Variants in PKD1L1 observed in about 807,000 individuals in gnomAD.
PKD1L1 encodes the protein polycystin 1 like 1, transient receptor potential channel interacting.
A neutral mutation model predicts 323.4 loss-of-function variants in PKD1L1; 236 were observed. That is an observed-to-expected ratio of 0.73 (90% CI 0.66 to 0.81). The LOEUF is 0.81. Ranked by LOEUF, PKD1L1 falls within the 40% of genes least tolerant of loss-of-function variation. The probability of loss-of-function intolerance (pLI) is 0.00; values close to 1 mark genes in which losing one functional copy is unlikely to be tolerated. For synonymous variants in PKD1L1, 1,344 were observed against 1,335.0 expected, an observed-to-expected ratio of 1.01 and a Z score of -0.15; for missense variants, 3,320 against 3,508.0, an observed-to-expected ratio of 0.95 and a Z score of 1.35.
Position 47,833,017 on chromosome 7 carries a change from GC to G in PKD1L1, c.6337+72del, listed in dbSNP as rs1785379116. ...ATTTGGCCCAATTGTGACTCTGCTT[GC>G]CCTGCCTCTCCCAATGGCTGCAGGT... On this transcript the variant is annotated intron_variant, in intron 41 of 56. Coordinates refer to ENST00000289672, the MANE Select transcript of PKD1L1 (RefSeq NM_138295.5). The G allele has an allele frequency of 1.1e-5, 17 of 1,508,148 alleles. No homozygotes were observed. In the East Asian group the frequency reaches 1.9e-4, roughly 17 times the overall value. 93.4% of individuals were successfully genotyped at this position (1,508,148 alleles called of 1,614,324 possible). A position where few individuals can be genotyped will look rare whatever the true frequency, so the allele number is the denominator to read the frequency against.
upstream of PKD1L1, among the ~76,000 whole-genome samples, chr7:47,948,935 A>T (rs945976098): frequency 2.0e-5 from 3 of 151,936 alleles, no homozygotes; most frequent in African/African-American, 7.3e-5. Context: ...ATAGAGTGAG[A>T]CTCTGCCTCA....
At chr7:47,929,125 T>C in intron 7 of PKD1L1, 79 bp downstream of exon 7, 1 of 1,429,418 alleles carries the variant, frequency 7.0e-7, no homozygotes, top group Non-Finnish European at 9.5e-7. Flanking sequence ...GTTTCTTTTC[T>C]TTTCCCAACA....
chr7:47,786,288 A>G (rs1318050449), intron 56 of PKD1L1, among the ~76,000 whole-genome samples: 1 of 152,204 alleles, frequency 6.6e-6, no homozygotes, highest in Non-Finnish European at 1.5e-5. Context: ...AAATCTTCTC[A>G]TTATTTTACA....
intron 44 of PKD1L1, among the ~76,000 whole-genome samples, chr7:47,828,397 G>C (rs1785277466): frequency 6.6e-6 from 1 of 151,862 alleles, no homozygotes; most frequent in Non-Finnish European, 1.5e-5. Context: ...CAAGCAGAAA[G>C]GAAAGCTGAG....
At chr7:47,815,592 T>A in intron 46 of PKD1L1, 135 bp from the exon 47 acceptor site, 1 of 1,033,616 alleles carries the variant, frequency 9.7e-7, no homozygotes, top group Non-Finnish European at 1.4e-6. Flanking sequence ...AAACTCAAGC[T>A]GCTTGCAGCG....
At chr7:47,949,392 G>A (rs1180916281), upstream of PKD1L1, among the ~76,000 whole-genome samples, 192 of 40,262 alleles carry the variant, frequency 4.8e-3, 1 homozygote, top group Middle Eastern at 0.012. Flanking sequence ...AAAAAAAAAA[G>A]CTGTAACTGT....
At position 47,904,526 on chromosome 7, in the gene PKD1L1, G is replaced by A. The variant is rs754076706; in HGVS notation, c.1783C>T (p.Arg595Trp). The A allele has an allele frequency of 1.5e-5, 24 of 1,613,890 alleles. No homozygotes were observed. Among genetic ancestry groups the A allele is most frequent in the East Asian group, 8.9e-5 (4 of 44,886 alleles). The change falls in exon 12 of 57, where the codon CGG (arginine) becomes TGG (tryptophan). Residue 595 changes from arginine to tryptophan, a missense_variant. By Grantham distance (101) the Arg-to-Trp change is moderately radical. Coordinates refer to ENST00000289672, the MANE Select transcript of PKD1L1 (RefSeq NM_138295.5). ...IRVQKKIVAN[R>W]LTSPSSALVN... is the part of the protein sequence containing the mutation. ...AGAGCTGAGGAGGGGGACGTGAGCC[G>A]ATTGGCCACAATTTTCTTCTGCACC...
intron 14 of PKD1L1, among the ~76,000 whole-genome samples, chr7:47,896,554 A>G (rs372979943): frequency 6.6e-6 from 1 of 151,804 alleles, no homozygotes; most frequent in African/African-American, 2.4e-5. Flanking sequence ...GGGGGGACTT[A>G]GGATTTTATT....
intron 34 of PKD1L1, among the ~76,000 whole-genome samples, chr7:47,841,756 A>G (rs1344350416): frequency 2.0e-5 from 3 of 152,164 alleles, no homozygotes; most frequent in Non-Finnish European, 4.4e-5. Flanking sequence ...GTGGGGTTTG[A>G]TGAATTCACT....
chr7:47,932,263 G>A (rs1397982763), intron 4 of PKD1L1, among the ~76,000 whole-genome samples: 1 of 152,212 alleles, frequency 6.6e-6, no homozygotes, highest in Non-Finnish European at 1.5e-5. Flanking sequence ...GGCTGCTGCA[G>A]GCACTCGAGG....
intron 46 of PKD1L1, among the ~76,000 whole-genome samples, chr7:47,820,171 C>A (rs1562945810): frequency 1.3e-5 from 2 of 151,626 alleles, no homozygotes; most frequent in Admixed American, 6.6e-5. Context: ...GAACAACTCT[C>A]AAAAAAAAGA....
chr7:47,921,701 T>C (rs1212836163), intron 7 of PKD1L1, among the ~76,000 whole-genome samples: 1 of 152,026 alleles, frequency 6.6e-6, no homozygotes, highest in Non-Finnish European at 1.5e-5. Context: ...AATGAGATAC[T>C]ACTCAGCTAT....
intron 45 of PKD1L1, 48 bp from the exon 46 acceptor site, chr7:47,821,234 G>C: frequency 9.0e-7 from 1 of 1,112,294 alleles, no homozygotes; most frequent in Non-Finnish European, 1.3e-6. Flanking sequence ...CCTGTATGTA[G>C]GTACCTGAGT....
intron 31 of PKD1L1, among the ~76,000 whole-genome samples, chr7:47,849,925 A>G (rs899625291): frequency 1.3e-5 from 2 of 152,210 alleles, no homozygotes; most frequent in Non-Finnish European, 2.9e-5. Context: ...AGGAATGGAA[A>G]ACCAAATATT....
intron 36 of PKD1L1, among the ~76,000 whole-genome samples, chr7:47,838,876 CAAAAAAAAA>C (rs57858359): frequency 3.5e-5 from 3 of 85,342 alleles, no homozygotes; most frequent in Non-Finnish European, 6.4e-5. Flanking sequence ...GACTCCATCT[CAAAAAAAAA>C]AAAAAAAAAA....
chr7:47,800,516 G>A, intron 54 of PKD1L1, 133 bp downstream of exon 54: 1 of 903,334 alleles, frequency 1.1e-6, no homozygotes, highest in Non-Finnish European at 1.7e-6. Context: ...AGGTGAGCTG[G>A]ACGGCAGGGA....
intron 8 of PKD1L1, among the ~76,000 whole-genome samples, chr7:47,911,175 C>T (rs543118516): frequency 5.3e-5 from 8 of 152,056 alleles, no homozygotes; most frequent in Non-Finnish European, 1.2e-4. Context: ...GGTGTCCTTG[C>T]GATAGTGAGT....
At position 47,915,490 on chromosome 7, in the gene PKD1L1, G is replaced by A. The variant is rs754538052; in HGVS notation, c.1170C>T (p.Cys390=). 7.7e-6 allele frequency: 10 copies of A among 1,296,532 alleles called. No individual in the cohort carries two copies. The highest frequency in any genetic ancestry group is 1.5e-5 in the African/African-American group (1 of 68,278). 80.3% of individuals were successfully genotyped at this position (1,296,532 alleles called of 1,614,324 possible). A position where few individuals can be genotyped will look rare whatever the true frequency, so the allele number is the denominator to read the frequency against. The change falls in exon 8 of 57, where the codon TGC becomes TGT. Residue 390 remains cysteine (C), a synonymous_variant. Coordinates refer to ENST00000289672, the MANE Select transcript of PKD1L1 (RefSeq NM_138295.5). ...GGTTACTGGGGTCTGAGTCTTCCAG[G>A]CAGCTGTTTTCACTTTGGCACAAGT... ...NVYLCQSENS[C]LEDSDPSNLG...
intron 53 of PKD1L1, among the ~76,000 whole-genome samples, chr7:47,802,345 G>A (rs1295350683): frequency 6.6e-6 from 1 of 152,204 alleles, no homozygotes; most frequent in African/African-American, 2.4e-5. Context: ...GGAGGCAGAG[G>A]TTGGGCAAAT....
Sources: allele counts gnomAD v4.1 joint callset (sites outside exome capture counted in the v4.1 genomes callset), GRCh38; gene constraint gnomAD v4.1.1; transcripts MANE v1.5; gene names NCBI Gene and HGNC (gene_info 2026-07-23, HGNC 2026-07-21).